FIRRM: variants seen among roughly 807,000 people sequenced by gnomAD.
FIRRM encodes the protein FIGNL1 interacting regulator of recombination and mitosis, also known as FIGNL1-interacting regulator of recombination and mitosis.
At chr1:169,851,890 C>T in the FIRRM span, 5 of 1,613,962 alleles carry the variant, frequency 3.1e-6, no homozygotes, top group Admixed American at 5.0e-5. Flanking sequence ...TTCTGGGAAC[C>T]CTTTGCTAAT....
the FIRRM span, chr1:169,826,220 G>C: frequency 6.1e-6 from 1 of 164,596 alleles, no homozygotes; most frequent in Middle Eastern, 2.7e-3. Flanking sequence ...TTACAGGCAT[G>C]TGCCACCATG....
the FIRRM span, among the ~76,000 whole-genome samples, chr1:169,800,422 A>C: frequency 6.6e-6 from 1 of 152,230 alleles, no homozygotes; most frequent in Admixed American, 6.5e-5. Flanking sequence ...TATGAAACAT[A>C]TAGAAAAACA....
the FIRRM span, chr1:169,804,075 A>T: frequency 1.4e-6 from 2 of 1,458,844 alleles, no homozygotes; most frequent in Non-Finnish European, 9.1e-7. Context: ...CCGTAATCAG[A>T]ATAGTGAATC....
the FIRRM span, among the ~76,000 whole-genome samples, chr1:169,831,703 A>G: frequency 1.4e-4 from 22 of 152,338 alleles, no homozygotes; most frequent in South Asian, 4.6e-3. Flanking sequence ...ATGGAATGAT[A>G]CTATATTATG....
the FIRRM span, among the ~76,000 whole-genome samples, chr1:169,821,147 C>T: frequency 3.9e-5 from 6 of 152,254 alleles, no homozygotes; most frequent in African/African-American, 1.4e-4. Context: ...TATTATCAGT[C>T]TTTTTAATCT....
chr1:169,786,630 C>T, the FIRRM span, among the ~76,000 whole-genome samples: 10 of 152,182 alleles, frequency 6.6e-5, no homozygotes, highest in East Asian at 1.5e-3. Flanking sequence ...AGCGCACCAT[C>T]TAGTTTACAG....
the FIRRM span, chr1:169,803,326 T>C: frequency 5.0e-6 from 8 of 1,611,942 alleles, no homozygotes; most frequent in Admixed American, 1.3e-4. Flanking sequence ...AAAGGTCTAA[T>C]TATACTTTGA....
the FIRRM span, among the ~76,000 whole-genome samples, chr1:169,809,528 A>G: frequency 4.1e-4 from 62 of 152,262 alleles, 1 homozygote. Context: ...TAAGATGAAG[A>G]AAGTCTAAAC....
chr1:169,793,044 A>G, the FIRRM span: 1 of 1,614,170 alleles, frequency 6.2e-7, no homozygotes, highest in Non-Finnish European at 8.5e-7. Flanking sequence ...ATACTGTTAT[A>G]ATCTTGAAAG....
At chr1:169,853,877 A>T in the FIRRM span, 1 of 1,259,586 alleles carries the variant, frequency 7.9e-7, no homozygotes, top group African/African-American at 1.5e-5. Context: ...TTTTGATGCC[A>T]GAAACACTAC....
chr1:169,824,480 C>T, the FIRRM span, among the ~76,000 whole-genome samples: 5 of 152,252 alleles, frequency 3.3e-5, no homozygotes, highest in South Asian at 2.1e-4. Flanking sequence ...CTACAAATAC[C>T]GTCTCGTTTC....
chr1:169,833,279 G>T, the FIRRM span, among the ~76,000 whole-genome samples: 6 of 152,086 alleles, frequency 3.9e-5, no homozygotes, highest in African/African-American at 1.4e-4. Context: ...GGATGGGTGG[G>T]TATGGAGGCA....
the FIRRM span, chr1:169,792,640 G>C: frequency 6.2e-7 from 1 of 1,604,080 alleles, no homozygotes. Context: ...CAATTATTTT[G>C]AGTATTCTGG....
the FIRRM span, chr1:169,847,933 CCAGA>C: frequency 3.5e-4 from 194 of 555,598 alleles, 1 homozygote; most frequent in South Asian, 4.9e-3. Context: ...AAACTATGTT[CCAGA>C]CAGATTATAA....
At chr1:169,804,769 G>A in the FIRRM span, among the ~76,000 whole-genome samples, 3 of 152,118 alleles carry the variant, frequency 2.0e-5, no homozygotes, top group Non-Finnish European at 2.9e-5. Context: ...CTGCAACCTC[G>A]CCTCCCGGAC....
chr1:169,850,065 G>T, the FIRRM span: 2 of 571,874 alleles, frequency 3.5e-6, no homozygotes, highest in Non-Finnish European at 6.2e-6. Context: ...AGTAATTAAA[G>T]CTTACAACAC....
chr1:169,806,371 G>A, the FIRRM span, among the ~76,000 whole-genome samples: 3 of 152,186 alleles, frequency 2.0e-5, no homozygotes, highest in Admixed American at 6.5e-5. Flanking sequence ...CTTTTCTTCT[G>A]CTACTGTTGT....
chr1:169,832,624 A>T, the FIRRM span: 1 of 737,602 alleles, frequency 1.4e-6, no homozygotes, highest in South Asian at 1.8e-5. Flanking sequence ...TTTTTTTGAG[A>T]CAGAGTCTCG....
chr1:169,852,703 T>C, the FIRRM span: 1 of 1,361,584 alleles, frequency 7.3e-7, no homozygotes, highest in Non-Finnish European at 1.0e-6. Flanking sequence ...TAGAATAAAA[T>C]TTGCATGTAA....
Sources: allele counts gnomAD v4.1 joint callset (sites outside exome capture counted in the v4.1 genomes callset), GRCh38; gene constraint gnomAD v4.1.1; transcripts MANE v1.5; gene names NCBI Gene and HGNC (gene_info 2026-07-23, HGNC 2026-07-21).